The following FER1L6 variants were observed in gnomAD, a reference collection of about 807,000 sequenced individuals.
FER1L6 encodes the protein fer-1 like family member 6, also known as fer-1-like protein 6.
Under a neutral mutation model 219.2 loss-of-function variants are expected in FER1L6, and 177 were observed. The observed-to-expected ratio is 0.81, with a 90% CI of 0.71 to 0.91. The LOEUF is 0.91. FER1L6 is among the 40% of genes least tolerant of loss of function. FER1L6 has a pLI of 0.00. For synonymous variants in FER1L6, 768 were observed against 824.3 expected (o/e 0.93, Z 1.17); for missense variants, 2,153 against 2,259.9 (o/e 0.95, Z 0.96).
Position 124,106,040 on chromosome 8 carries a change from T to C in FER1L6, c.5289+2731T>C, listed in dbSNP as rs575044568. Among the ~76,000 whole-genome samples, 6 of 152,204 alleles carry C rather than the reference T, an allele frequency of 3.9e-5. No individual in the cohort carries two copies. The South Asian group carries it at 1.2e-3, about 32-fold the overall frequency. ...GAGCAACTGGTATGGAGTTTCTTTTTGGGGTGATTAAAAAAGAAGTTCTGA... is the reference window on the plus strand; with the variant it reads ...GAGCAACTGGTATGGAGTTTCTTTTCGGGGTGATTAAAAAAGAAGTTCTGA... On this transcript the variant is annotated intron_variant, in intron 39 of 40. Transcript: ENST00000522917.
At chr8:123,994,009 A>G (rs1816998540) in intron 12 of FER1L6, among the ~76,000 whole-genome samples, 2 of 152,240 alleles carry the variant, frequency 1.3e-5, no homozygotes, top group African/African-American at 2.4e-5. Flanking sequence ...GTGCTCAGCA[A>G]TGCTGTTAGT....
At chr8:123,965,603 T>C (rs1031439935) in intron 3 of FER1L6, among the ~76,000 whole-genome samples, 11 of 152,238 alleles carry the variant, frequency 7.2e-5, no homozygotes, top group African/African-American at 2.7e-4. Context: ...GTCCTGTGTA[T>C]GGAATCAGGC....
intron 5 of FER1L6, 119 bp from the exon 6 acceptor site, chr8:123,969,916 A>T: frequency 2.1e-5 from 14 of 656,088 alleles, no homozygotes; most frequent in East Asian, 2.9e-5. Flanking sequence ...TCAATTGATG[A>T]TGTATATATA....
chr8:123,993,152 T>C (rs191848771), intron 12 of FER1L6, among the ~76,000 whole-genome samples: 68 of 152,304 alleles, frequency 4.5e-4, no homozygotes, highest in Admixed American at 2.6e-3. Flanking sequence ...ATAAGAAGAA[T>C]GTATATCCGG....
At position 124,082,579 on chromosome 8, in the gene FER1L6, T is replaced by C. The variant is rs151088983; in HGVS notation, c.4391+121T>C. 7.4e-5 allele frequency: 62 copies of C among 842,618 alleles called. No homozygotes were observed. The Admixed American group carries it at 8.0e-4, about 11-fold the overall frequency. 52.2% of individuals were successfully genotyped at this position (842,618 alleles called of 1,614,324 possible). ...GGCCAGACCAGGCTCAGCTTTAACG[T>C]CTCAAATGGGCTCCACATCAGCAGA... On this transcript the variant is annotated intron_variant, in intron 33 of 40. Coordinates refer to ENST00000522917, the MANE Select transcript of FER1L6 (RefSeq NM_001039112.2).
rs376154841 is a variant in FER1L6, at chr8:124,023,516, G to T, written c.2206G>T (p.Ala736Ser). The change falls in exon 18 of 41, where the codon GCC becomes TCC. Residue 736 changes from alanine to serine, a missense_variant. Coordinates refer to ENST00000522917, the MANE Select transcript of FER1L6 (RefSeq NM_001039112.2). ...NNRRVAYARI[A>S]SKDLLYSPVA... The stretch of plus-strand genomic sequence containing the variant: ...CAGGAGAGTGGCCTATGCCCGCATC[G>T]CCTCCAAAGACCTCCTCTATTCCCC... The T allele has an allele frequency of 1.9e-6, 3 of 1,614,138 alleles. No individual in the cohort carries two copies. Among genetic ancestry groups the T allele is most frequent in the Middle Eastern group, 1.6e-4 (1 of 6,062 alleles).
chr8:123,897,278 T>C (rs4871418), intron 1 of FER1L6, among the ~76,000 whole-genome samples: 95,390 of 151,876 alleles, frequency 0.63, 30,002 homozygotes, highest in South Asian at 0.75. Flanking sequence ...TCAATTATGT[T>C]ACCCCCTGTT....
intron 1 of FER1L6, among the ~76,000 whole-genome samples, chr8:123,940,966 C>T (rs1225713740): frequency 1.3e-5 from 2 of 152,160 alleles, no homozygotes; most frequent in African/African-American, 2.4e-5. Flanking sequence ...TTCTGTTTGG[C>T]TCTAATCTCC....
intron 33 of FER1L6, among the ~76,000 whole-genome samples, chr8:124,085,090 A>G (rs754934219): frequency 1.3e-5 from 2 of 152,130 alleles, no homozygotes; most frequent in Non-Finnish European, 2.9e-5. Context: ...AGTAGCCTCT[A>G]ATAATCATTT....
chr8:124,007,251 A>G (rs1305831124), intron 13 of FER1L6, among the ~76,000 whole-genome samples: 2 of 151,936 alleles, frequency 1.3e-5, no homozygotes, highest in African/African-American at 4.8e-5. Flanking sequence ...AGCTTTTTGG[A>G]ATGAAAACAA....
At chr8:123,886,595 G>A (rs1370944293) in intron 1 of FER1L6, among the ~76,000 whole-genome samples, 1 of 152,142 alleles carries the variant, frequency 6.6e-6, no homozygotes, top group Non-Finnish European at 1.5e-5. Flanking sequence ...CCTAGTCTCA[G>A]GTATTCTGCT....
Position 124,027,355 on chromosome 8 carries a change from T to A in FER1L6, c.2286+3759T>A, listed in dbSNP as rs1818752875. 3.3e-5 allele frequency among the ~76,000 whole-genome samples: 5 copies of A among 152,176 alleles called. No homozygotes were observed. The South Asian group carries it at 1.0e-3, about 32-fold the overall frequency. ...TAAAGAATGTTCATCCTATTTTTCA[T>A]TCATTAAATGGAGATCATGGTGAGG... On this transcript the variant is annotated intron_variant, in intron 18 of 40. Coordinates refer to ENST00000522917, the MANE Select transcript of FER1L6 (RefSeq NM_001039112.2).
intron 12 of FER1L6, among the ~76,000 whole-genome samples, chr8:123,999,090 G>T (rs1056018035): frequency 1.6e-4 from 25 of 152,192 alleles, no homozygotes; most frequent in African/African-American, 5.3e-4. Context: ...GTGAGACAAA[G>T]TCCCCTTTAT....
chr8:123,953,495 G>T (rs1171179215), intron 1 of FER1L6, among the ~76,000 whole-genome samples: 1 of 152,150 alleles, frequency 6.6e-6, no homozygotes. Context: ...CTTCAGAAGG[G>T]CAGGGGTGCC....
At chr8:123,887,574 G>A (rs1359976799) in intron 1 of FER1L6, among the ~76,000 whole-genome samples, 1 of 152,182 alleles carries the variant, frequency 6.6e-6, no homozygotes, top group Non-Finnish European at 1.5e-5. Context: ...AGTGGGGTCT[G>A]CTCCTCTCAA....
intron 1 of FER1L6, among the ~76,000 whole-genome samples, chr8:123,877,225 C>T (rs1314315097): frequency 6.6e-6 from 1 of 152,204 alleles, no homozygotes; most frequent in African/African-American, 2.4e-5. Context: ...ATTTATTTTT[C>T]AATTATTGCT....
intron 1 of FER1L6, among the ~76,000 whole-genome samples, chr8:123,867,621 T>G (rs1021801216): frequency 1.3e-5 from 2 of 152,342 alleles, no homozygotes; most frequent in Admixed American, 1.3e-4. Flanking sequence ...CTTCTATGGT[T>G]GTTTTGAGAA....
rs1282262740 is a variant in FER1L6 at position 124,064,352 on chromosome 8, T to C, written c.3334T>C (p.Ser1112Pro). 1 of 1,612,606 alleles carries C rather than the reference T, an allele frequency of 6.2e-7. No individual in the cohort carries two copies. The highest frequency in any genetic ancestry group is 1.7e-5 in the Admixed American group (1 of 59,608). The change falls in exon 26 of 41, where the codon TCA becomes CCA. Residue 1112 changes from serine to proline, a missense_variant. Coordinates refer to ENST00000522917, the MANE Select transcript of FER1L6 (RefSeq NM_001039112.2). ...VDGTQPGHDISDSLTATESSG... is the reference protein window; with the variant it reads ...VDGTQPGHDIPDSLTATESSG... ...CTGATGTGCTTTCATTTCAGATATT[T>C]CAGATTCGCTAACAGCCACTGAGTC...
intron 22 of FER1L6, among the ~76,000 whole-genome samples, chr8:124,050,158 A>C (rs1433653953): frequency 6.6e-6 from 1 of 152,222 alleles, no homozygotes; most frequent in African/African-American, 2.4e-5. Flanking sequence ...AAGCTCCCTC[A>C]GTCCTGCTGA....
Sources: allele counts gnomAD v4.1 joint callset (sites outside exome capture counted in the v4.1 genomes callset), GRCh38; gene constraint gnomAD v4.1.1; transcripts MANE v1.5; gene names NCBI Gene and HGNC (gene_info 2026-07-23, HGNC 2026-07-21).